GSE1: variants seen among roughly 807,000 people sequenced by gnomAD.
GSE1 encodes the protein genetic suppressor element 1.
GSE1 carries 32 observed loss-of-function variants against 112.6 expected under a neutral mutation model. The ratio of observed to expected loss-of-function variants is 0.28; its 90% CI spans 0.21 to 0.38. The LOEUF (loss-of-function observed/expected upper bound fraction) is 0.38, where lower values mean the gene tolerates loss of function less well. Among genes scored for constraint, GSE1 ranks in the 10% least tolerant of loss-of-function variants. The probability of loss-of-function intolerance (pLI) is 1.00; values close to 1 mark genes in which losing one functional copy is unlikely to be tolerated. For synonymous variants in GSE1, 1,115 were observed against 735.6 expected (o/e 1.52, Z -8.35); for missense variants, 2,348 against 1,699.2 (o/e 1.38, Z -6.71).
chr16:85,331,700 TATATATA>T (rs1171553044), intron 1 of GSE1, among the ~76,000 whole-genome samples: 664 of 58,574 alleles, frequency 0.011, 31 homozygotes, highest in South Asian at 0.019. Context: ...TATATATATA[TATATATA>T]TTTTTTTTTT....
intron 2 of GSE1, among the ~76,000 whole-genome samples, chr16:85,361,941 C>T (rs2047090963): frequency 6.6e-6 from 1 of 152,222 alleles, no homozygotes; most frequent in Non-Finnish European, 1.5e-5. Flanking sequence ...AGAGTGGGGC[C>T]ACTCCCGGGC....
intron 2 of GSE1, among the ~76,000 whole-genome samples, chr16:85,476,454 C>T (rs1012432835): frequency 2.6e-5 from 4 of 152,168 alleles, no homozygotes; most frequent in African/African-American, 9.7e-5. Flanking sequence ...CTGGAACTCA[C>T]GTCTGCTTTA....
intron 1 of GSE1, among the ~76,000 whole-genome samples, chr16:85,221,640 C>T (rs555733113): frequency 1.6e-3 from 244 of 152,346 alleles, no homozygotes; most frequent in African/African-American, 5.6e-3. Flanking sequence ...GAGGCCAGGA[C>T]GTGCCGCCTG....
At chr16:85,202,437 C>T (rs1164289633) in intron 1 of GSE1, among the ~76,000 whole-genome samples, 1 of 152,186 alleles carries the variant, frequency 6.6e-6, no homozygotes, top group African/African-American at 2.4e-5. Flanking sequence ...GTGGGGCCCA[C>T]AGGACATTTT....
At chr16:85,413,199 C>A (rs560998712) in intron 2 of GSE1, among the ~76,000 whole-genome samples, 1 of 152,188 alleles carries the variant, frequency 6.6e-6, no homozygotes, top group Admixed American at 6.5e-5. Flanking sequence ...GGGCAGCGGC[C>A]GCTGTGAGTG....
In GSE1 at chr16:85,657,450, A is replaced by AAGTGGCTGGCGCGGC; in HGVS notation, c.1489_1503dup (p.Trp497_Gln501dup). ...GATCCAGCGCACCAATGAGGAGGAGAAGTGGCTGGCGCGGCAGCGGCGGCT... is the reference window on the plus strand; with the variant it reads ...GATCCAGCGCACCAATGAGGAGGAGAAGTGGCTGGCGCGGCAGTGGCTGGCGCGGCAGCGGCGGCT... On this transcript the variant is annotated inframe_insertion, in exon 8 of 16. Coordinates refer to ENST00000253458, the MANE Select transcript of GSE1 (RefSeq NM_014615.5). 4 of 1,612,074 alleles carry AAGTGGCTGGCGCGGC rather than the reference A, an allele frequency of 2.5e-6. No homozygotes were observed. The highest frequency in any genetic ancestry group is 2.5e-6 in the Non-Finnish European group (3 of 1,179,632).
chr16:85,421,776 G>A (rs1241480956), intron 2 of GSE1, among the ~76,000 whole-genome samples: 1 of 152,136 alleles, frequency 6.6e-6, no homozygotes, highest in African/African-American at 2.4e-5. Context: ...CTCCCACCAG[G>A]AACCCCAGAG....
At chr16:85,600,984 G>A (rs1442254890) in intron 1 of GSE1, among the ~76,000 whole-genome samples, 3 of 149,836 alleles carry the variant, frequency 2.0e-5, no homozygotes, top group African/African-American at 7.6e-5. Context: ...GGTGGGAGGA[G>A]GGAAGGTCGG....
intron 2 of GSE1, among the ~76,000 whole-genome samples, chr16:85,529,286 C>T (rs1454732147): frequency 5.9e-5 from 9 of 152,130 alleles, no homozygotes; most frequent in Admixed American, 4.6e-4. Context: ...CCGTGGCAAG[C>T]GAGCAGCGGC....
chr16:85,196,792 G>T (rs1190834260), intron 1 of GSE1, among the ~76,000 whole-genome samples: 1 of 152,088 alleles, frequency 6.6e-6, no homozygotes, highest in Non-Finnish European at 1.5e-5. Context: ...GGGCGGGGGG[G>T]CCTGCCGGAA....
At chr16:85,262,379 T>C (rs1386881529) in intron 1 of GSE1, among the ~76,000 whole-genome samples, 1 of 152,118 alleles carries the variant, frequency 6.6e-6, no homozygotes, top group Non-Finnish European at 1.5e-5. Flanking sequence ...GGGGGCCAGC[T>C]AGAGTTTGCA....
intron 1 of GSE1, among the ~76,000 whole-genome samples, chr16:85,556,755 C>G (rs1027708351): frequency 3.5e-5 from 5 of 144,010 alleles, no homozygotes; most frequent in East Asian, 2.1e-4. Flanking sequence ...GCATGCCCCC[C>G]CCCCCCCCAG....
At chr16:85,480,520 G>T (rs1299275783) in intron 2 of GSE1, among the ~76,000 whole-genome samples, 1 of 152,176 alleles carries the variant, frequency 6.6e-6, no homozygotes, top group African/African-American at 2.4e-5. Flanking sequence ...CTGCTGAAGG[G>T]ACACCCGTTC....
intron 1 of GSE1, among the ~76,000 whole-genome samples, chr16:85,627,044 CTTTTTTTTTTTTTTT>C (rs564272210): frequency 0.029 from 727 of 25,122 alleles, 64 homozygotes; most frequent in Admixed American, 0.036. Flanking sequence ...TTCTTCTTGC[CTTTTTTTTTTTTTTT>C]TTTTTTTTTT....
At chr16:85,626,540 C>T (rs930610870) in intron 1 of GSE1, among the ~76,000 whole-genome samples, 1 of 152,232 alleles carries the variant, frequency 6.6e-6, no homozygotes, top group African/African-American at 2.4e-5. Context: ...AATCCAGGTC[C>T]AGATTGTGTG....
intron 1 of GSE1, among the ~76,000 whole-genome samples, chr16:85,563,546 A>G (rs563626509): frequency 1.3e-5 from 2 of 152,288 alleles, no homozygotes; most frequent in African/African-American, 4.8e-5. Flanking sequence ...GGGTAAAGCC[A>G]GGTCCAGGTC....
At chr16:85,341,047 C>T (rs1195426098) in intron 1 of GSE1, among the ~76,000 whole-genome samples, 3 of 152,202 alleles carry the variant, frequency 2.0e-5, no homozygotes, top group African/African-American at 7.2e-5. Context: ...AGAGCAGATG[C>T]TGCACCTGTG....
In GSE1 at chr16:85,654,984, G is replaced by A; in HGVS notation, c.790G>A (p.Ala264Thr). Residue 264 changes from alanine to threonine, a missense_variant, in exon 5 of 16, where the codon GCC becomes ACC. Physicochemically the swap from Ala to Thr is moderately conservative, Grantham distance 58. Transcript: ENST00000253458. ...YLAPHPFPHP[A>T]FRMDDSYCLS... ...GGCCCCACACCCCTTCCCCCACCCG[G>A]CCTTCAGGTGAGGCATCCCCCACGC... The A allele has an allele frequency of 6.3e-7, 1 of 1,582,232 alleles. No homozygotes were observed. Among genetic ancestry groups the A allele is most frequent in the Non-Finnish European group, 8.6e-7 (1 of 1,162,026 alleles).
chr16:85,464,370 G>C (rs958743947), intron 2 of GSE1, among the ~76,000 whole-genome samples: 1 of 152,192 alleles, frequency 6.6e-6, no homozygotes, highest in African/African-American at 2.4e-5. Context: ...TAGAGAAAAG[G>C]GGAGGCTTTT....
Sources: allele counts gnomAD v4.1 joint callset (sites outside exome capture counted in the v4.1 genomes callset), GRCh38; gene constraint gnomAD v4.1.1; transcripts MANE v1.5; gene names NCBI Gene and HGNC (gene_info 2026-07-23, HGNC 2026-07-21).